Variants in CPNE4 observed in about 807,000 individuals in gnomAD.
The protein encoded by CPNE4 is copine 4.
CPNE4 carries 25 observed loss-of-function variants against 67.9 expected under a neutral mutation model. The ratio of observed to expected loss-of-function variants is 0.37; its 90% confidence interval spans 0.27 to 0.51. CPNE4 has a LOEUF of 0.51. Among genes scored for constraint, CPNE4 ranks in the 20% least tolerant of loss-of-function variants. The pLI is 0.93. For missense variants in CPNE4, 464 were observed against 690.8 expected (o/e 0.67, Z 3.68); for synonymous variants, 242 against 244.9 (o/e 0.99, Z 0.11).
intron 7 of CPNE4, among the ~76,000 whole-genome samples, chr3:131,616,480 T>C (rs749408359): frequency 5.9e-5 from 9 of 152,182 alleles, no homozygotes; most frequent in Non-Finnish European, 1.3e-4. Flanking sequence ...GGTGAATTCT[T>C]GCAAAATCTT....
At chr3:131,644,747 A>G (rs977443460) in intron 7 of CPNE4, among the ~76,000 whole-genome samples, 2 of 152,174 alleles carry the variant, frequency 1.3e-5, no homozygotes, top group African/African-American at 4.8e-5. Flanking sequence ...CAGGAATGGA[A>G]AAGGTCTAAG....
At position 131,938,722 on chromosome 3, in the gene CPNE4, T is replaced by C. The variant is rs1461643226; in HGVS notation, c.-1-33278A>G. ...ATTAGGAAACCGGCATGGTGGGAAA[T>C]GCCCCCATGATCCAATCACCTCCCA... On this transcript the variant is annotated intron_variant, in intron 1 of 15. Transcript: ENST00000429747. 3.8e-4 allele frequency among the ~76,000 whole-genome samples: 58 copies of C among 152,022 alleles called. 1 individual carries two copies. Among genetic ancestry groups the C allele is most frequent in the Admixed American group, 3.8e-3 (58 of 15,248 alleles).
intron 6 of CPNE4, among the ~76,000 whole-genome samples, chr3:131,674,050 CT>C (rs1169978374): frequency 4.0e-5 from 6 of 151,746 alleles, no homozygotes; most frequent in African/African-American, 1.2e-4. Context: ...TCAAATGCTT[CT>C]TCAGTATTAA....
chr3:131,570,331 A>ATT (rs527948174), intron 10 of CPNE4, among the ~76,000 whole-genome samples: 1 of 149,486 alleles, frequency 6.7e-6, no homozygotes, highest in African/African-American at 2.5e-5. Context: ...TTATTTATTT[A>ATT]TTTTTTTAAA....
intron 1 of CPNE4, among the ~76,000 whole-genome samples, chr3:131,988,330 CT>C (rs1163357513): frequency 6.6e-6 from 1 of 152,186 alleles, no homozygotes; most frequent in Non-Finnish European, 1.5e-5. Context: ...GGATTCTGGT[CT>C]TTGTCTTAAG....
chr3:131,552,029 C>G (rs1443803840), intron 13 of CPNE4, among the ~76,000 whole-genome samples: 1 of 150,252 alleles, frequency 6.7e-6, no homozygotes, highest in Non-Finnish European at 1.5e-5. Flanking sequence ...TCCATGTTCC[C>G]CCCTCTCCTT....
chr3:131,862,245 C>G (rs1249014928), intron 2 of CPNE4, among the ~76,000 whole-genome samples: 3 of 152,148 alleles, frequency 2.0e-5, no homozygotes, highest in Admixed American at 1.3e-4. Flanking sequence ...TATCCTGACT[C>G]TTGAGAGTAC....
In CPNE4 at chr3:131,811,920, G is replaced by C. The variant is rs2084542653; in HGVS notation, c.181-88295C>G. Among the ~76,000 whole-genome samples the C allele has an allele frequency of 2.0e-5, 3 of 152,096 alleles. No individual in the cohort carries two copies. The South Asian group carries it at 6.2e-4, about 32-fold the overall frequency. On this transcript the variant is annotated intron_variant, in intron 2 of 15. Transcript: ENST00000429747. ...TAAGCATCTTGCTCAAGGTCACACA[G>C]CTAACAACTGGCAAAAGAAAGAACA...
intron 11 of CPNE4, 92 bp from the exon 12 acceptor site, chr3:131,555,643 G>A (rs1936420733): frequency 1.8e-6 from 2 of 1,090,908 alleles, no homozygotes; most frequent in African/African-American, 3.1e-5. Context: ...TTACTAGGTT[G>A]CTAGGCCATG....
intron 2 of CPNE4, among the ~76,000 whole-genome samples, chr3:131,770,316 T>A (rs1038486451): frequency 1.3e-5 from 2 of 152,178 alleles, no homozygotes; most frequent in African/African-American, 4.8e-5. Flanking sequence ...ACAATAACCA[T>A]CACTGCCTTC....
At chr3:131,716,249 G>GCAGAGA (rs2081683145) in intron 3 of CPNE4, among the ~76,000 whole-genome samples, 1 of 151,858 alleles carries the variant, frequency 6.6e-6, no homozygotes, top group South Asian at 2.1e-4. Context: ...CCTTCAGGAG[G>GCAGAGA]CAGACTCTGA....
chr3:131,604,695 TGCTCCTCA>T (rs1393289328), intron 7 of CPNE4, among the ~76,000 whole-genome samples: 1 of 152,152 alleles, frequency 6.6e-6, no homozygotes, highest in Admixed American at 6.5e-5. Flanking sequence ...TGGCTCTCCT[TGCTCCTCA>T]GCCTGCAGAT....
chr3:131,857,930 C>T (rs1370026449), intron 2 of CPNE4, among the ~76,000 whole-genome samples: 1 of 152,022 alleles, frequency 6.6e-6, no homozygotes, highest in African/African-American at 2.4e-5. Flanking sequence ...CCAGATGTAG[C>T]CCATATAAAT....
intron 11 of CPNE4, among the ~76,000 whole-genome samples, chr3:131,556,768 C>T (rs1209818105): frequency 6.6e-6 from 1 of 152,084 alleles, no homozygotes; most frequent in Non-Finnish European, 1.5e-5. Context: ...ACTGGAGTTT[C>T]TCTCTTAATT....
upstream of CPNE4, among the ~76,000 whole-genome samples, chr3:132,037,324 T>A (rs2074356865): frequency 1.3e-5 from 2 of 152,282 alleles, no homozygotes; most frequent in South Asian, 4.1e-4. Context: ...AACTTGGAAT[T>A]TTTTTCTGAA....
intron 7 of CPNE4, among the ~76,000 whole-genome samples, chr3:131,640,054 A>C (rs1177546558): frequency 6.6e-6 from 1 of 152,198 alleles, no homozygotes; most frequent in Non-Finnish European, 1.5e-5. Context: ...CCAACATTAT[A>C]CTGAATGGGG....
chr3:131,761,034 G>A (rs2082873691), intron 2 of CPNE4, among the ~76,000 whole-genome samples: 1 of 152,078 alleles, frequency 6.6e-6, no homozygotes, highest in South Asian at 2.1e-4. Flanking sequence ...TCATCTTAGA[G>A]TAGAATCTTA....
At chr3:131,851,070 T>G (rs2086222741) in intron 2 of CPNE4, among the ~76,000 whole-genome samples, 1 of 150,096 alleles carries the variant, frequency 6.7e-6, no homozygotes, top group African/African-American at 2.5e-5. Context: ...AATGAGGGAA[T>G]GTACTGAAAA....
chr3:131,970,607 T>C (rs1025528300), intron 1 of CPNE4, among the ~76,000 whole-genome samples: 6 of 152,214 alleles, frequency 3.9e-5, no homozygotes, highest in African/African-American at 1.4e-4. Flanking sequence ...ATGGGGTTTA[T>C]AATCTTTCCT....
Sources: gnomAD v4.1 joint callset for allele counts (sites outside exome capture counted in the v4.1 genomes callset) on GRCh38, gnomAD v4.1.1 for gene constraint, MANE v1.5 for transcripts, NCBI Gene and HGNC (gene_info 2026-07-23, HGNC 2026-07-21) for gene names.